Variants in SCRG1 observed in about 807,000 individuals in gnomAD.
SCRG1 encodes stimulator of chondrogenesis 1.
In SCRG1, 3 loss-of-function variants were observed where a neutral mutation model predicts 7.7. That is an observed-to-expected ratio of 0.39 (90% CI 0.18 to 1.01). The LOEUF (loss-of-function observed/expected upper bound fraction) is 1.01, where lower values mean the gene tolerates loss of function less well. SCRG1 is among the 50% of genes least tolerant of loss of function. The pLI is 0.36. For synonymous variants in SCRG1, 46 were observed against 41.2 expected (o/e 1.12, Z -0.44); for missense variants, 110 against 117.2 (o/e 0.94, Z 0.28).
the SCRG1 span, among the ~76,000 whole-genome samples, chr4:173,484,771 T>A: frequency 1.1e-5 from 1 of 93,564 alleles, no homozygotes; most frequent in Non-Finnish European, 1.8e-5. Flanking sequence ...ATACATATTA[T>A]ATATTATATA....
chr4:173,503,020 T>A, the SCRG1 span, among the ~76,000 whole-genome samples: 459 of 152,258 alleles, frequency 3.0e-3, no homozygotes, highest in Middle Eastern at 0.01. The surrounding 1 kb of genome is among the most constrained non-coding windows in gnomAD (Gnocchi z 6.4). Context: ...CTAGCACCCG[T>A]GGACCTCAAA....
chr4:173,473,528 G>A, the SCRG1 span, among the ~76,000 whole-genome samples: 1 of 152,188 alleles, frequency 6.6e-6, no homozygotes, highest in Non-Finnish European at 1.5e-5. Flanking sequence ...GGGAGAAGGA[G>A]AGCCCTCAAT....
At chr4:173,486,085 C>T in the SCRG1 span, among the ~76,000 whole-genome samples, 1 of 152,146 alleles carries the variant, frequency 6.6e-6, no homozygotes, top group Non-Finnish European at 1.5e-5. Flanking sequence ...TAAAGTAAAT[C>T]CTAGAATTAT....
chr4:173,482,843 C>A, the SCRG1 span, among the ~76,000 whole-genome samples: 3 of 145,150 alleles, frequency 2.1e-5, no homozygotes, highest in African/African-American at 7.6e-5. Context: ...CACACACATA[C>A]ACACACTATA....
the SCRG1 span, among the ~76,000 whole-genome samples, chr4:173,422,227 G>A: frequency 6.6e-6 from 1 of 152,172 alleles, no homozygotes; most frequent in African/African-American, 2.4e-5. Flanking sequence ...AACAGCTGTG[G>A]TTTCCAAAGG....
chr4:173,388,568 C>T (rs978807385), intron 2 of SCRG1, among the ~76,000 whole-genome samples, 173 bp from the exon 3 acceptor site: 2 of 152,002 alleles, frequency 1.3e-5, no homozygotes, highest in African/African-American at 4.8e-5. Context: ...CAACAAAGAC[C>T]GAGAAGGTAA....
chr4:173,482,471 G>A, the SCRG1 span, among the ~76,000 whole-genome samples: 1 of 151,904 alleles, frequency 6.6e-6, no homozygotes, highest in Admixed American at 6.6e-5. Context: ...CTTTTTTCTT[G>A]TCCATTGATC....
the SCRG1 span, among the ~76,000 whole-genome samples, chr4:173,458,351 A>G: frequency 6.6e-6 from 1 of 152,252 alleles, no homozygotes; most frequent in African/African-American, 2.4e-5. Context: ...TGTAATTTTG[A>G]ATGTTCTAGT....
chr4:173,462,296 C>A, the SCRG1 span, among the ~76,000 whole-genome samples: 1 of 152,002 alleles, frequency 6.6e-6, no homozygotes, highest in Non-Finnish European at 1.5e-5. Flanking sequence ...AGAAAGGATC[C>A]TAAAAGCAGC....
chr4:173,414,564 C>T, the SCRG1 span, among the ~76,000 whole-genome samples: 1 of 152,196 alleles, frequency 6.6e-6, no homozygotes, highest in Non-Finnish European at 1.5e-5. Flanking sequence ...AGCACAGCTC[C>T]AACCCAGAGC....
the SCRG1 span, among the ~76,000 whole-genome samples, chr4:173,511,607 C>T: frequency 1.3e-5 from 2 of 152,042 alleles, no homozygotes; most frequent in Non-Finnish European, 2.9e-5. This position sits in a 1 kb window ranked among gnomAD's most constrained non-coding sequence, Gnocchi z 5.2. Context: ...GGCCGGGTAC[C>T]AAGAGCATCT....
Position 173,391,187 on chromosome 4 carries a change from C to T in SCRG1, c.228G>A (p.Leu76=). 4 of 1,614,104 alleles carry T rather than the reference C, an allele frequency of 2.5e-6. No homozygotes were observed. The highest frequency in any genetic ancestry group is 3.4e-6 in the Non-Finnish European group (4 of 1,180,026). ...CATTTCCTTACTTTGGGCAGCAGAG[C>T]AATTCGCTGAAGTTGCAGTAACAGA... is the stretch of plus-strand genomic sequence containing the variant. The part of the protein sequence containing the change: ...EMICYCNFSE[L]LCCPKDVFFG... The change falls in exon 2 of 3, where the codon TTG becomes TTA. Residue 76 remains leucine, a synonymous_variant. Transcript: ENST00000296506.
At position 173,396,712 on chromosome 4, in the gene SCRG1, T is replaced by TTGTGTGTGTGTGTGTG. The variant is rs71594043; in HGVS notation, c.-15+2340_-15+2355dup. Among the ~76,000 whole-genome samples the TTGTGTGTGTGTGTGTG allele has an allele frequency of 8.6e-3, 922 of 106,888 alleles. 4 individuals are homozygous for TTGTGTGTGTGTGTGTG. The highest frequency in any genetic ancestry group is 0.013 in the Non-Finnish European group (666 of 51,694). 70.1% of individuals were successfully genotyped at this position (106,888 alleles called of 152,430 possible). ...ACCTAGCAAGTACCTACTGGTAGTT[T>TTGTGTGTGTGTGTGTG]TGTGTGTGTGTGTGTGTGTGTGTGT... is the stretch of plus-strand genomic sequence containing the variant. On this transcript the variant is annotated intron_variant, in intron 1 of 2. Transcript: ENST00000296506.
chr4:173,388,247 A>C lies in SCRG1; in HGVS notation c.*94T>G. On this transcript the variant is annotated 3_prime_UTR_variant, in exon 3 of 3. Coordinates refer to ENST00000296506, the MANE Select transcript of SCRG1 (RefSeq NM_007281.4). ...TAAGAATTTATAGAATCTATGCTCT[A>C]TTGCACTATATAGAAACTAGAAATG... The C allele has an allele frequency of 2.6e-6, 2 of 773,518 alleles. No homozygotes were observed. The highest frequency in any genetic ancestry group is 3.5e-5 in the African/African-American group (2 of 56,650). 47.9% of individuals were successfully genotyped at this position (773,518 alleles called of 1,614,324 possible).
At chr4:173,439,336 G>A in the SCRG1 span, among the ~76,000 whole-genome samples, 7 of 152,014 alleles carry the variant, frequency 4.6e-5, no homozygotes, top group African/African-American at 1.4e-4. Context: ...AGATGAGCCT[G>A]GCCATCATAG....
At chr4:173,477,859 C>G in the SCRG1 span, among the ~76,000 whole-genome samples, 1 of 151,978 alleles carries the variant, frequency 6.6e-6, no homozygotes, top group Non-Finnish European at 1.5e-5. Context: ...GCTTTGACCT[C>G]TCAGTCTCAA....
At chr4:173,433,545 A>C in the SCRG1 span, among the ~76,000 whole-genome samples, 6 of 152,138 alleles carry the variant, frequency 3.9e-5, no homozygotes, top group Non-Finnish European at 8.8e-5. Context: ...GACTCTGAAA[A>C]GTGCATTTCG....
At chr4:173,484,083 A>G in the SCRG1 span, among the ~76,000 whole-genome samples, 1 of 87,748 alleles carries the variant, frequency 1.1e-5, no homozygotes, top group Non-Finnish European at 1.9e-5. Flanking sequence ...ATGATATAAT[A>G]TATAATATAC....
At chr4:173,450,394 G>A in the SCRG1 span, among the ~76,000 whole-genome samples, 2 of 152,128 alleles carry the variant, frequency 1.3e-5, no homozygotes, top group African/African-American at 4.8e-5. Flanking sequence ...GTCCCCAAAA[G>A]CTCATCTCTG....
Sources: allele counts gnomAD v4.1 joint callset (sites outside exome capture counted in the v4.1 genomes callset), GRCh38; gene constraint gnomAD v4.1.1; non-coding constraint Gnocchi (gnomAD v3.1); transcripts MANE v1.5; gene names NCBI Gene and HGNC (gene_info 2026-07-23, HGNC 2026-07-21).